CCR3: variants seen among roughly 807,000 people sequenced by gnomAD.
CCR3 encodes C-C motif chemokine receptor 3.
For synonymous variants in CCR3, 203 were observed against 179.2 expected, an observed-to-expected ratio of 1.13 and a Z score of -1.06; for missense variants, 419 against 437.5, an observed-to-expected ratio of 0.96 and a Z score of 0.38.
intron 1 of CCR3, among the ~76,000 whole-genome samples, chr3:46,247,843 A>T (rs1700227081): frequency 6.6e-6 from 1 of 152,150 alleles, no homozygotes; most frequent in African/African-American, 2.4e-5. Flanking sequence ...CTCGAGCTTG[A>T]TGTGTAGGGA....
intron 2 of CCR3, among the ~76,000 whole-genome samples, chr3:46,211,655 C>G (rs933335159): frequency 1.3e-5 from 2 of 152,086 alleles, no homozygotes; most frequent in South Asian, 4.1e-4. Flanking sequence ...CTACCCCTGG[C>G]GCCTTATTTT....
At chr3:46,257,293 T>A (rs1700446006) in intron 1 of CCR3, among the ~76,000 whole-genome samples, 1 of 152,182 alleles carries the variant, frequency 6.6e-6, no homozygotes, top group African/African-American at 2.4e-5. Flanking sequence ...GTATATGCTG[T>A]CCATTTAAAA....
At chr3:46,221,711 A>G (rs937739133) in intron 2 of CCR3, among the ~76,000 whole-genome samples, 5 of 151,988 alleles carry the variant, frequency 3.3e-5, no homozygotes, top group African/African-American at 1.2e-4. Flanking sequence ...TTAAGCCTTC[A>G]TTTTTGAGCT....
rs143778920 is a variant in CCR3 at position 46,266,138 on chromosome 3, A to C, written c.980A>C (p.Tyr327Ser). The change falls in exon 2 of 2, where the codon TAC becomes TCC. Residue 327 changes from tyrosine to serine, a missense_variant. Transcript: ENST00000395940. Reference sequence around the variant, plus strand: ...CACTTGCTCATGCACCTGGGCAGATACATCCCATTCCTTCCTAGTGAGAAG... The same window carrying C: ...CACTTGCTCATGCACCTGGGCAGATCCATCCCATTCCTTCCTAGTGAGAAG... Reference protein sequence around the residue: ...HRHLLMHLGRYIPFLPSEKLE... With the variant: ...HRHLLMHLGRSIPFLPSEKLE... The C allele has an allele frequency of 6.1e-5, 99 of 1,613,992 alleles. No homozygotes were observed. Among genetic ancestry groups the C allele is most frequent in the Non-Finnish European group, 7.8e-5 (92 of 1,180,012 alleles).
At chr3:46,264,908 C>G (rs530544632) in intron 1 of CCR3, among the ~76,000 whole-genome samples, 172 of 152,254 alleles carry the variant, frequency 1.1e-3, no homozygotes, top group African/African-American at 3.9e-3. Context: ...ACCACCACCC[C>G]ACAACATTTC....
At chr3:46,222,665 C>T (rs1699850494) in intron 2 of CCR3, among the ~76,000 whole-genome samples, 1 of 152,194 alleles carries the variant, frequency 6.6e-6, no homozygotes, top group Non-Finnish European at 1.5e-5. Context: ...GCAAGTCCTC[C>T]AGCACACCAG....
At chr3:46,261,170 T>C (rs1247474380) in intron 1 of CCR3, among the ~76,000 whole-genome samples, 1 of 152,224 alleles carries the variant, frequency 6.6e-6, no homozygotes, top group Non-Finnish European at 1.5e-5. Flanking sequence ...TTTACAAATG[T>C]AACACAATTC....
intron 1 of CCR3, among the ~76,000 whole-genome samples, chr3:46,244,707 G>A (rs1249583039): frequency 1.3e-5 from 2 of 152,278 alleles, no homozygotes; most frequent in South Asian, 2.1e-4. Flanking sequence ...CAGTTAAGGC[G>A]GGGCAGGGCA....
intron 2 of CCR3, among the ~76,000 whole-genome samples, chr3:46,228,182 C>G (rs1699925418): frequency 6.6e-6 from 1 of 151,254 alleles, no homozygotes; most frequent in South Asian, 2.1e-4. Context: ...TTCTTCCTCA[C>G]AGTCCCACAC....
chr3:46,236,412 C>T (rs543104614), intron 2 of CCR3, among the ~76,000 whole-genome samples: 4 of 152,228 alleles, frequency 2.6e-5, no homozygotes, highest in Non-Finnish European at 4.4e-5. Flanking sequence ...CCAGCCCCAT[C>T]GACAGGCTCC....
chr3:46,217,036 C>T (rs1306491895), intron 2 of CCR3, among the ~76,000 whole-genome samples: 2 of 152,114 alleles, frequency 1.3e-5, no homozygotes, highest in East Asian at 1.9e-4. Context: ...GGCCTAAATG[C>T]TTCACTTAAA....
intron 2 of CCR3, among the ~76,000 whole-genome samples, chr3:46,237,428 C>T (rs34406035): frequency 0.058 from 8,804 of 152,224 alleles, 393 homozygotes; most frequent in South Asian, 0.19. Context: ...TGTGCAGAAG[C>T]TTTTTAGTTT....
At chr3:46,246,777 G>GT (rs1467102689) in intron 1 of CCR3, among the ~76,000 whole-genome samples, 1 of 152,084 alleles carries the variant, frequency 6.6e-6, no homozygotes, top group Non-Finnish European at 1.5e-5. Context: ...GTGTTGAAGT[G>GT]TTGGGGTGGC....
At chr3:46,238,577 G>A (rs970716284), upstream of CCR3, among the ~76,000 whole-genome samples, 12 of 152,156 alleles carry the variant, frequency 7.9e-5, no homozygotes, top group Admixed American at 3.3e-4. Context: ...TTTGGCTCAG[G>A]GCTGGGGATA....
chr3:46,212,883 A>G (rs1028911124), intron 2 of CCR3, among the ~76,000 whole-genome samples: 1 of 152,178 alleles, frequency 6.6e-6, no homozygotes, highest in African/African-American at 2.4e-5. Flanking sequence ...TGAAAGACTG[A>G]CGTAGCACCT....
chr3:46,251,432 G>A (rs948056826), intron 1 of CCR3, among the ~76,000 whole-genome samples: 2 of 152,106 alleles, frequency 1.3e-5, no homozygotes, highest in Admixed American at 6.5e-5. Context: ...AGGGAGGTTG[G>A]AGAAGAGAGT....
intron 1 of CCR3, chr3:46,264,407 C>T (rs1220650482): frequency 2.0e-6 from 3 of 1,532,358 alleles, no homozygotes; most frequent in Non-Finnish European, 1.7e-6. Flanking sequence ...TTGGATTATG[C>T]CATTTGGAAT....
At chr3:46,253,603 G>A (rs769186575) in intron 1 of CCR3, among the ~76,000 whole-genome samples, 11 of 152,050 alleles carry the variant, frequency 7.2e-5, no homozygotes, top group Admixed American at 2.0e-4. Context: ...TATTAATTTA[G>A]ATTAAATTAA....
chr3:46,210,724 C>T lies in CCR3; in HGVS notation c.-251C>T, dbSNP rs551938395. The T allele has an allele frequency of 3.9e-5, 6 of 152,438 alleles. No homozygotes were observed. In the East Asian group the frequency reaches 9.6e-4, roughly 25 times the overall value. The allele number at this position is 152,438 out of a possible 1,614,324, so 9.4% of individuals were successfully genotyped here. ...GACCCTGGCCGTCATCAGGTTCAAC[C>T]TCATATTCAACTGCTGGGCCTTGTC... On this transcript the variant is annotated 5_prime_UTR_variant, in exon 2 of 4. Coordinates refer to the CCR3 transcript ENST00000357422.
Sources: gnomAD v4.1 joint callset for allele counts (sites outside exome capture counted in the v4.1 genomes callset) on GRCh38, gnomAD v4.1.1 for gene constraint, MANE v1.5 for transcripts, NCBI Gene and HGNC (gene_info 2026-07-23, HGNC 2026-07-21) for gene names.